The following ACSM3 variants were observed in gnomAD, a reference collection of about 807,000 sequenced individuals.
ACSM3 encodes acyl-coenzyme A synthetase ACSM3, mitochondrial.
In ACSM3, 61 loss-of-function variants were observed where a neutral mutation model predicts 74.1. That is an observed-to-expected ratio of 0.82 (90% CI 0.67 to 1.02). ACSM3 has a LOEUF of 1.02. Among genes scored for constraint, ACSM3 ranks in the 50% least tolerant of loss-of-function variants. ACSM3 has a pLI of 0.00. For missense variants in ACSM3, 660 were observed against 697.0 expected, an observed-to-expected ratio of 0.95 and a Z score of 0.60; for synonymous variants, 213 against 241.5, an observed-to-expected ratio of 0.88 and a Z score of 1.09.
At chr16:20,700,092 C>T (rs555620199) in intron 1 of ACSM3, among the ~76,000 whole-genome samples, 3 of 152,136 alleles carry the variant, frequency 2.0e-5, no homozygotes, top group Non-Finnish European at 4.4e-5. Context: ...ATAGTGACAT[C>T]GTAAAATGGC....
intron 13 of ACSM3, 112 bp downstream of exon 13, chr16:20,796,601 A>G: frequency 6.5e-7 from 1 of 1,549,752 alleles, no homozygotes; most frequent in East Asian, 2.3e-5. Context: ...ACATGTCCCA[A>G]ACTGAACTGA....
chr16:20,747,232 AAAC>A (rs2079961576), intron 1 of ACSM3, among the ~76,000 whole-genome samples: 1 of 152,166 alleles, frequency 6.6e-6, no homozygotes, highest in Non-Finnish European at 1.5e-5. Context: ...GGGATGAGAA[AAAC>A]AAGTTTTTCT....
At chr16:20,690,517 A>G (rs2079633792) in intron 1 of ACSM3, among the ~76,000 whole-genome samples, 1 of 152,194 alleles carries the variant, frequency 6.6e-6, no homozygotes, top group South Asian at 2.1e-4. Context: ...TCATGGGAAG[A>G]TGGATGGCCT....
intron 9 of ACSM3, among the ~76,000 whole-genome samples, chr16:20,787,242 C>A (rs958576394): frequency 6.6e-6 from 1 of 152,180 alleles, no homozygotes; most frequent in African/African-American, 2.4e-5. Context: ...GCATGGCTGA[C>A]TGGGAGCTGT....
Position 20,717,074 on chromosome 16 carries a change from A to G in ACSM3, c.-189-32836A>G, listed in dbSNP as rs533663176. Among the ~76,000 whole-genome samples the G allele has an allele frequency of 1.8e-4, 28 of 152,290 alleles. No individual in the cohort carries two copies. The South Asian group carries it at 5.4e-3, about 29-fold the overall frequency. ...CAGTGGTTCAATGAAATTAACAGGG[A>G]CCCAAATTTATTCATCTTCCTAACG... On this transcript the variant is annotated intron_variant, in intron 1 of 3. Transcript: ENST00000561584.
intron 1 of ACSM3, chr16:20,685,350 A>C: frequency 6.2e-7 from 1 of 1,614,162 alleles, no homozygotes; most frequent in South Asian, 1.1e-5. Flanking sequence ...ACTTTACTTC[A>C]TCCCCTTGGC....
At chr16:20,726,526 C>A (rs995976626) in intron 1 of ACSM3, among the ~76,000 whole-genome samples, 1 of 152,198 alleles carries the variant, frequency 6.6e-6, no homozygotes. Flanking sequence ...AGGGACTATT[C>A]AACGATTATT....
chr16:20,720,139 A>G (rs1350627871), intron 1 of ACSM3, among the ~76,000 whole-genome samples: 7 of 152,188 alleles, frequency 4.6e-5, no homozygotes, highest in Non-Finnish European at 7.3e-5. Flanking sequence ...TTCATGGAAG[A>G]CCATTTTTCC....
rs946957288 is a variant in ACSM3 at position 20,717,868 on chromosome 16, AAGAAGG to A, written c.-189-32029_-189-32024del. 5.4e-4 allele frequency among the ~76,000 whole-genome samples: 81 copies of A among 150,666 alleles called. 1 individual carries two copies. Among genetic ancestry groups the A allele is most frequent in the African/African-American group, 1.8e-3 (72 of 41,050 alleles). ...GGAGGAGGAAGAGGAGGAGAAGGAG[AAGAAGG>A]AGAAGGAGAAGGGGAAGAAGGAGAA... On this transcript the variant is annotated intron_variant, in intron 1 of 3. Coordinates refer to the ACSM3 transcript ENST00000561584.
intron 1 of ACSM3, among the ~76,000 whole-genome samples, chr16:20,690,238 C>T (rs1360018515): frequency 6.6e-6 from 1 of 152,112 alleles, no homozygotes; most frequent in Admixed American, 6.5e-5. Flanking sequence ...CTCTTCTGTA[C>T]AAAGACAGTG....
Position 20,705,295 on chromosome 16 carries a change from C to A in ACSM3, c.-190+30473C>A, listed in dbSNP as rs145512377. 2.0e-3 allele frequency among the ~76,000 whole-genome samples: 310 copies of A among 151,882 alleles called. 9 individuals carry two copies. In the East Asian group the frequency reaches 0.047, roughly 23 times the overall value. On this transcript the variant is annotated intron_variant, in intron 1 of 3. Transcript: ENST00000561584. The stretch of plus-strand genomic sequence containing the variant: ...GGCTGAGGCAGGAGAATGGTGTAAA[C>A]CCGGGAGGTGGAGCTTGCACTGAGC...
intron 1 of ACSM3, chr16:20,682,405 T>C (rs773565884): frequency 1.2e-5 from 19 of 1,613,836 alleles, no homozygotes; most frequent in African/African-American, 1.1e-4. Flanking sequence ...TAGACAACTG[T>C]AGTCGATAGA....
chr16:20,739,014 C>T (rs1224168106), intron 1 of ACSM3: 14 of 1,614,188 alleles, frequency 8.7e-6, no homozygotes, highest in Non-Finnish European at 1.1e-5. Context: ...TTCAAGGCAG[C>T]CTCCGCATCA....
At chr16:20,782,163 G>C (rs1485133181) in intron 7 of ACSM3, among the ~76,000 whole-genome samples, 1 of 152,168 alleles carries the variant, frequency 6.6e-6, no homozygotes, top group East Asian at 1.9e-4. Context: ...TTCTATTGCT[G>C]ATTCCATTTG....
intron 1 of ACSM3, among the ~76,000 whole-genome samples, chr16:20,747,085 A>C (rs914948118): frequency 6.6e-6 from 1 of 152,118 alleles, no homozygotes; most frequent in Non-Finnish European, 1.5e-5. Flanking sequence ...TAAAAAAAAA[A>C]ACAAGTTTTC....
chr16:20,744,397 T>G (rs1350779292), intron 1 of ACSM3, among the ~76,000 whole-genome samples: 1 of 152,234 alleles, frequency 6.6e-6, no homozygotes, highest in East Asian at 1.9e-4. Flanking sequence ...TTTATTTTTA[T>G]GTTTTTTGAG....
Position 20,775,819 on chromosome 16 carries a change from A to C in ACSM3, c.220-20A>C. 2 of 1,612,418 alleles carry C rather than the reference A, an allele frequency of 1.2e-6. No individual in the cohort carries two copies. Among genetic ancestry groups the C allele is most frequent in the Non-Finnish European group, 1.7e-6 (2 of 1,178,512 alleles). ...CTGTATAACAACCTTTAAATCAATG[A>C]CTGGTTTTTCTTTCCTCAGGCTGGA... On this transcript the variant is annotated intron_variant, in intron 2 of 13. Transcript: ENST00000289416.
intron 1 of ACSM3, among the ~76,000 whole-genome samples, chr16:20,723,218 A>G (rs546238714): frequency 6.6e-6 from 1 of 152,050 alleles, no homozygotes; most frequent in African/African-American, 2.4e-5. Context: ...TGAACTCATC[A>G]TTTTTTATGG....
At chr16:20,736,708 G>T in intron 1 of ACSM3, 1 of 659,712 alleles carries the variant, frequency 1.5e-6, no homozygotes, top group East Asian at 2.7e-5. Context: ...AAGGCTGAAA[G>T]ATCCCTAAAA....
Sources: gnomAD v4.1 joint callset for allele counts (sites outside exome capture counted in the v4.1 genomes callset) on GRCh38, gnomAD v4.1.1 for gene constraint, MANE v1.5 for transcripts, NCBI Gene and HGNC (gene_info 2026-07-23, HGNC 2026-07-21) for gene names.